Variants in JMJD1C observed in about 807,000 individuals in gnomAD.
The protein encoded by JMJD1C is jumonji domain containing 1C, also known as jumonji domain-containing protein 1C.
A neutral mutation model predicts 245.3 loss-of-function variants in JMJD1C; 31 were observed. That is an observed-to-expected ratio of 0.13 (90% CI 0.09 to 0.17). The LOEUF (loss-of-function observed/expected upper bound fraction) is 0.17. JMJD1C is among the 10% of genes least tolerant of loss of function. The probability of loss-of-function intolerance (pLI) is 1.00; values close to 1 mark genes in which losing one functional copy is unlikely to be tolerated. For synonymous variants in JMJD1C, 1,057 were observed against 1,017.4 expected (o/e 1.04, Z -0.74); for missense variants, 2,691 against 3,000.2 (o/e 0.90, Z 2.41).
chr10:63,270,491 G>A (rs1240553297), intron 2 of JMJD1C, among the ~76,000 whole-genome samples: 2 of 150,796 alleles, frequency 1.3e-5, no homozygotes, highest in East Asian at 2.0e-4. Context: ...TTTTGAGACA[G>A]GATTTTGCTC....
At chr10:63,225,838 G>A (rs1849205923) in intron 3 of JMJD1C, among the ~76,000 whole-genome samples, 1 of 151,942 alleles carries the variant, frequency 6.6e-6, no homozygotes, top group Non-Finnish European at 1.5e-5. Context: ...ACTATGCTGG[G>A]TACTTTCCAT....
chr10:63,217,637 C>T, intron 4 of JMJD1C: 1 of 173,888 alleles, frequency 5.8e-6, no homozygotes, highest in African/African-American at 2.4e-5. Context: ...GTGTAGAATG[C>T]AGTAAGGTTA....
At chr10:63,347,469 C>T (rs1943948356) in intron 2 of JMJD1C, among the ~76,000 whole-genome samples, 1 of 151,120 alleles carries the variant, frequency 6.6e-6, no homozygotes. Context: ...CCTGTAGTCC[C>T]AGCTACTTGG....
chr10:63,222,953 T>C (rs1452314556), intron 3 of JMJD1C: 24 of 1,481,766 alleles, frequency 1.6e-5, no homozygotes, highest in South Asian at 1.4e-4. Flanking sequence ...AATTCAAATA[T>C]TGGAGATAAT....
chr10:63,433,199 C>A (rs1227051530), intron 1 of JMJD1C, among the ~76,000 whole-genome samples: 1 of 151,898 alleles, frequency 6.6e-6, no homozygotes, highest in Non-Finnish European at 1.5e-5. Flanking sequence ...CCAGTTCAAG[C>A]GATTCTCCTG....
At chr10:63,176,064 C>T (rs1214176458) in intron 24 of JMJD1C, among the ~76,000 whole-genome samples, 1 of 152,000 alleles carries the variant, frequency 6.6e-6, no homozygotes, top group Non-Finnish European at 1.5e-5. Context: ...TCTATTAAAT[C>T]GGAGACAGTA....
At chr10:63,197,298 C>CT (rs1328734644) in intron 13 of JMJD1C, 113 bp downstream of exon 13, 8 of 870,928 alleles carry the variant, frequency 9.2e-6, no homozygotes, top group African/African-American at 1.8e-5. Flanking sequence ...AAAAAAAATA[C>CT]TTAATACATT....
At chr10:63,217,742 A>G (rs1848162203) in intron 4 of JMJD1C, 1 of 146,198 alleles carries the variant, frequency 6.8e-6, no homozygotes, top group Non-Finnish European at 1.6e-5. Context: ...TCTAGTTGCC[A>G]AAACTTTACC....
chr10:63,488,852 T>C (rs987151626), intron 1 of JMJD1C, among the ~76,000 whole-genome samples: 4 of 152,194 alleles, frequency 2.6e-5, no homozygotes, highest in Non-Finnish European at 4.4e-5. Context: ...TTCTGGGTGC[T>C]GTTTATATGA....
chr10:63,252,476 C>T (rs1165345406), intron 3 of JMJD1C, among the ~76,000 whole-genome samples: 2 of 152,230 alleles, frequency 1.3e-5, no homozygotes, highest in Non-Finnish European at 2.9e-5. Context: ...TACTGCCTTT[C>T]AGACTCAAAG....
intron 3 of JMJD1C, among the ~76,000 whole-genome samples, chr10:63,229,876 A>G (rs976447991): frequency 4.6e-5 from 7 of 152,222 alleles, no homozygotes; most frequent in African/African-American, 1.7e-4. Context: ...ACACTGATCT[A>G]AAGAAAGCAA....
At chr10:63,397,245 C>T (rs972299093) in intron 1 of JMJD1C, among the ~76,000 whole-genome samples, 5 of 152,238 alleles carry the variant, frequency 3.3e-5, no homozygotes, top group African/African-American at 1.2e-4. Flanking sequence ...CAGAGTTTCG[C>T]TCTTGTCGCC....
intron 1 of JMJD1C, among the ~76,000 whole-genome samples, chr10:63,438,587 A>C (rs1951190359): frequency 6.6e-6 from 1 of 152,156 alleles, no homozygotes; most frequent in Non-Finnish European, 1.5e-5. Flanking sequence ...GGTCCTTCAC[A>C]AACTATCCCC....
At chr10:63,319,756 C>G (rs1041987533) in intron 2 of JMJD1C, among the ~76,000 whole-genome samples, 3 of 152,046 alleles carry the variant, frequency 2.0e-5, no homozygotes, top group African/African-American at 7.2e-5. Context: ...TGTTATTCAT[C>G]TTTTTGTTTG....
intron 18 of JMJD1C, among the ~76,000 whole-genome samples, chr10:63,186,894 A>G (rs1844194928): frequency 1.3e-5 from 2 of 152,196 alleles, no homozygotes; most frequent in Non-Finnish European, 2.9e-5. Context: ...AAAGTTTCTG[A>G]AAAATGATAT....
rs10607355 is a variant in JMJD1C at position 63,243,103 on chromosome 10, T to TTATATATATATA, written c.447+21536_447+21547dup. Reference sequence around the variant, plus strand: ...AAGAGCCAAAATACACTAACATAAATTATATATATATATATATATATAAAT... The same window carrying TTATATATATATA: ...AAGAGCCAAAATACACTAACATAAATTATATATATATATATATATATATATATATATATAAAT... On this transcript the variant is annotated intron_variant, in intron 3 of 25. Transcript: ENST00000399262. Among the ~76,000 whole-genome samples the TTATATATATATA allele has an allele frequency of 3.8e-3, 452 of 120,072 alleles. 10 individuals are homozygous for TTATATATATATA. Among genetic ancestry groups the TTATATATATATA allele is most frequent in the South Asian group, 5.8e-3 (20 of 3,472 alleles). 78.8% of individuals were successfully genotyped at this position (120,072 alleles called of 152,430 possible). A position where few individuals can be genotyped will look rare whatever the true frequency, so the allele number is the denominator to read the frequency against.
chr10:63,303,143 ATCAC>A (rs1234263114), intron 2 of JMJD1C, among the ~76,000 whole-genome samples: 2 of 152,196 alleles, frequency 1.3e-5, no homozygotes, highest in Non-Finnish European at 2.9e-5. Flanking sequence ...AGTTTATTCA[ATCAC>A]TCACTGACTA....
At position 63,372,911 on chromosome 10, in the gene JMJD1C, G is replaced by A. The variant is rs561274751; in HGVS notation, c.333+7407C>T. 1.6e-4 allele frequency: 27 copies of A among 172,640 alleles called. No individual in the cohort carries two copies. The East Asian group carries it at 3.0e-3, about 19-fold the overall frequency. 10.7% of individuals were successfully genotyped at this position (172,640 alleles called of 1,614,324 possible). The stretch of plus-strand genomic sequence containing the variant: ...GGGTGATCTGGAAGGCTGGGCCAGC[G>A]GAAAAGTAGTAGAAAACTCTGCCCC... On this transcript the variant is annotated intron_variant, in intron 2 of 25. Coordinates refer to ENST00000399262, the MANE Select transcript of JMJD1C (RefSeq NM_032776.3).
At chr10:63,513,917 GATAAA>G (rs566826128) in intron 1 of JMJD1C, among the ~76,000 whole-genome samples, 3,204 of 151,470 alleles carry the variant, frequency 0.021, 60 homozygotes, top group African/African-American at 0.047. Flanking sequence ...TAGCTCAAAA[GATAAA>G]ATAAAATAAA....
Sources: gnomAD v4.1 joint callset for allele counts (sites outside exome capture counted in the v4.1 genomes callset) on GRCh38, gnomAD v4.1.1 for gene constraint, MANE v1.5 for transcripts, NCBI Gene and HGNC (gene_info 2026-07-23, HGNC 2026-07-21) for gene names.